ZFAND1: variants seen among roughly 807,000 people sequenced by gnomAD.
ZFAND1 encodes the protein zinc finger AN1-type containing 1, also known as AN1-type zinc finger protein 1.
A neutral mutation model predicts 38.5 loss-of-function variants in ZFAND1; 40 were observed. That is an observed-to-expected ratio of 1.04 (90% CI 0.81 to 1.35). ZFAND1 has a LOEUF of 1.35. Among genes scored for constraint, ZFAND1 ranks in the 40% most tolerant of loss-of-function variants. The pLI, the probability that ZFAND1 is intolerant of heterozygous loss-of-function variation, is 0.00. For missense variants in ZFAND1, 346 were observed against 316.3 expected, an observed-to-expected ratio of 1.09 and a Z score of -0.71; for synonymous variants, 117 against 103.6, an observed-to-expected ratio of 1.13 and a Z score of -0.78.
At chr8:81,716,628 G>C (rs1299463699) in intron 3 of ZFAND1, among the ~76,000 whole-genome samples, 1 of 152,140 alleles carries the variant, frequency 6.6e-6, no homozygotes, top group Non-Finnish European at 1.5e-5. Flanking sequence ...ATATAAGGAG[G>C]ACATTAACTT....
intron 3 of ZFAND1, 152 bp downstream of exon 3, chr8:81,717,097 T>C (rs1159664281): frequency 1.2e-5 from 6 of 507,452 alleles, no homozygotes; most frequent in South Asian, 4.3e-5. Flanking sequence ...CAAAGAAAAA[T>C]AATATAAATG....
chr8:81,721,228 T>C lies in ZFAND1; in HGVS notation c.54A>G (p.Arg18=), dbSNP rs1309955616. Residue 18 remains arginine (R), a splice_region_variant and synonymous_variant, in exon 1 of 8, where the codon CGA becomes CGG. Coordinates refer to ENST00000220669, the MANE Select transcript of ZFAND1 (RefSeq NM_024699.3). ...QHCQVEHCRQ[R]DFLPFVCDDC... Reference sequence around the variant, plus strand: ...GGGGGCTGGAAGCTCCCGGATCACCTCGCTGCCGGCAATGCTCCACCTGGC... The same window carrying C: ...GGGGGCTGGAAGCTCCCGGATCACCCCGCTGCCGGCAATGCTCCACCTGGC... 9 of 1,548,196 alleles carry C rather than the reference T, an allele frequency of 5.8e-6. No homozygotes were observed. The Admixed American group carries it at 1.6e-4, about 27-fold the overall frequency.
chr8:81,706,393 A>C (rs1330525480), intron 6 of ZFAND1, among the ~76,000 whole-genome samples: 1 of 148,812 alleles, frequency 6.7e-6, no homozygotes, highest in African/African-American at 2.5e-5. Context: ...AAAAAAAAAA[A>C]AGAAGTGTTG....
chr8:81,713,917 C>T lies in ZFAND1; in HGVS notation c.480+1G>A, dbSNP rs1447565469. ...TGTTTTAAAAAATCTCTAAGACCAA[C>T]CTGTGGTAATGACTTATCGCCATCA... On this transcript the variant is annotated splice_donor_variant, in intron 6 of 7. Transcript: ENST00000220669. LOFTEE classifies it high-confidence loss of function. The T allele has an allele frequency of 6.2e-7, 1 of 1,612,942 alleles. No homozygotes were observed. Among genetic ancestry groups the T allele is most frequent in the East Asian group, 2.2e-5 (1 of 44,782 alleles).
chr8:81,706,370 C>CAAAAAAAAAAAAAAAAAAAAAAAAAAA (rs35031788), intron 6 of ZFAND1, among the ~76,000 whole-genome samples: 4 of 72,676 alleles, frequency 5.5e-5, no homozygotes, highest in Non-Finnish European at 7.4e-5. Context: ...GAAGGAGAAA[C>CAAAAAAAAAAAAAAAAAAAAAAAAAAA]AAAAAAAAAA....
intron 6 of ZFAND1, among the ~76,000 whole-genome samples, chr8:81,713,258 GACTACA>G (rs376614833): frequency 0.57 from 85,931 of 151,520 alleles, 24,851 homozygotes; most frequent in Admixed American, 0.62. Flanking sequence ...GAGTAGCTGG[GACTACA>G]GGCGCCCACC....
chr8:81,717,745 A>C (rs1443277895), intron 2 of ZFAND1, among the ~76,000 whole-genome samples: 1 of 152,106 alleles, frequency 6.6e-6, no homozygotes. Flanking sequence ...TTTAAAGTTT[A>C]ACTGTAAGGA....
At chr8:81,709,265 C>G (rs1359341452) in intron 6 of ZFAND1, among the ~76,000 whole-genome samples, 3 of 152,080 alleles carry the variant, frequency 2.0e-5, no homozygotes, top group African/African-American at 7.2e-5. Flanking sequence ...ATAGTCTACC[C>G]CAAACCTGCT....
At chr8:81,706,104 G>C (rs557283008) in intron 6 of ZFAND1, among the ~76,000 whole-genome samples, 2 of 151,960 alleles carry the variant, frequency 1.3e-5, no homozygotes, top group East Asian at 3.9e-4. Flanking sequence ...ACAGAAATTG[G>C]AAAATATCAC....
intron 1 of ZFAND1, among the ~76,000 whole-genome samples, chr8:81,718,789 T>G (rs981462448): frequency 2.7e-5 from 4 of 150,822 alleles, no homozygotes; most frequent in Non-Finnish European, 4.4e-5. Context: ...ACCTATAAGA[T>G]TTATGGTATT....
intron 6 of ZFAND1, among the ~76,000 whole-genome samples, chr8:81,708,427 T>C (rs1450490792): frequency 1.3e-5 from 2 of 151,902 alleles, no homozygotes; most frequent in South Asian, 2.1e-4. Context: ...TGAAAAACAA[T>C]TTACAAATAA....
intron 6 of ZFAND1, among the ~76,000 whole-genome samples, chr8:81,713,113 G>A (rs959896122): frequency 1.2e-4 from 13 of 106,768 alleles, no homozygotes; most frequent in African/African-American, 4.1e-4. Context: ...TTGTTTGTTC[G>A]TTTGTTTGTT....
At chr8:81,719,038 T>C (rs1808393896) in intron 1 of ZFAND1, among the ~76,000 whole-genome samples, 1 of 152,062 alleles carries the variant, frequency 6.6e-6, no homozygotes. Flanking sequence ...ATCTATGCTG[T>C]ATGCCACACC....
chr8:81,714,411 G>C (rs940905778), intron 5 of ZFAND1: 6 of 247,006 alleles, frequency 2.4e-5, no homozygotes, highest in South Asian at 1.9e-4. Flanking sequence ...CAGGCAGACT[G>C]ATTTAAGTCA....
rs756496086 is a variant in ZFAND1, at chr8:81,714,837, C to T, written c.325G>A (p.Ala109Thr). The stretch of plus-strand genomic sequence containing the variant: ...TCTTTAACAAGTTTCTGAGTGGCAG[C>T]CATTCGAGGCTTTGGGATTTCCAGT... ...EKLEIPKPRMAATQKLVKDII... is the reference protein window; with the variant it reads ...EKLEIPKPRMTATQKLVKDII... Residue 109 changes from alanine (A) to threonine (T), a missense_variant, in exon 5 of 8, where the codon GCT becomes ACT. Physicochemically the swap from Ala to Thr is moderately conservative, Grantham distance 58 (BLOSUM62 0). Transcript: ENST00000220669. The T allele has an allele frequency of 3.1e-6, 5 of 1,613,738 alleles. No individual in the cohort carries two copies. In the Admixed American group the frequency reaches 8.3e-5, roughly 27 times the overall value.
rs1451911661 is a variant in ZFAND1 at position 81,721,235 on chromosome 8, C to G, written c.47G>C (p.Arg16Pro). The change falls in exon 1 of 8, where the codon CGG becomes CCG. Residue 16 changes from arginine to proline, a missense_variant. By Grantham distance (103) the Arg-to-Pro change is moderately radical (BLOSUM62 -2). Transcript: ENST00000220669. ...GGAAGCTCCCGGATCACCTCGCTGCCGGCAATGCTCCACCTGGCAGTGCTG... is the reference window on the plus strand; with the variant it reads ...GGAAGCTCCCGGATCACCTCGCTGCGGGCAATGCTCCACCTGGCAGTGCTG... The part of the protein sequence containing the change: ...IGQHCQVEHC[R>P]QRDFLPFVCD... 1.1e-5 allele frequency: 17 copies of G among 1,548,772 alleles called. No individual in the cohort carries two copies. Among genetic ancestry groups the G allele is most frequent in the Non-Finnish European group, 1.4e-5 (16 of 1,147,040 alleles).
At chr8:81,711,714 C>T (rs1808145602) in intron 6 of ZFAND1, among the ~76,000 whole-genome samples, 1 of 151,986 alleles carries the variant, frequency 6.6e-6, no homozygotes, top group East Asian at 1.9e-4. Flanking sequence ...TGAAGTATAA[C>T]AGAATAACTT....
intron 1 of ZFAND1, 27 bp from the exon 2 acceptor site, chr8:81,718,251 T>C: frequency 7.2e-7 from 1 of 1,388,852 alleles, no homozygotes; most frequent in South Asian, 1.4e-5. Context: ...ATGTATATAC[T>C]GGTCAGTATC....
chr8:81,714,775 G>A lies in ZFAND1; in HGVS notation c.358+29C>T, dbSNP rs774427087. 3.7e-6 allele frequency: 6 copies of A among 1,601,992 alleles called. No homozygotes were observed. In the Admixed American group the frequency reaches 1.0e-4, roughly 27 times the overall value. On this transcript the variant is annotated intron_variant, in intron 5 of 7. Transcript: ENST00000220669. ...AAGCAGGAGCTCTGGAACTAGGAAA[G>A]CAACAAAACACGCTTTCTAGATACT...
Sources: allele counts gnomAD v4.1 joint callset (sites outside exome capture counted in the v4.1 genomes callset), GRCh38; gene constraint gnomAD v4.1.1; transcripts MANE v1.5; gene names NCBI Gene and HGNC (gene_info 2026-07-23, HGNC 2026-07-21).